HMCN1: variants seen among roughly 807,000 people sequenced by gnomAD.
The protein encoded by HMCN1 is hemicentin 1, also known as hemicentin-1.
In HMCN1, 321 loss-of-function variants were observed where a neutral mutation model predicts 625.9. The ratio of observed to expected loss-of-function variants is 0.51; its 90% confidence interval spans 0.47 to 0.56. HMCN1 has a LOEUF of 0.56. Among genes scored for constraint, HMCN1 ranks in the 20% least tolerant of loss-of-function variants. HMCN1 has a pLI of 0.00. For missense variants in HMCN1, 6,588 were observed against 6,887.3 expected, an observed-to-expected ratio of 0.96 and a Z score of 1.54; for synonymous variants, 2,425 against 2,417.6, an observed-to-expected ratio of 1.00 and a Z score of -0.09.
In HMCN1 at chr1:186,087,485, T is replaced by C; in HGVS notation, c.9203T>C (p.Val3068Ala). ...GACCATGACAGTGAATCTCTTTCTG[T>C]AGTTAATGTAAGAGAGGGAACTTCT... Reference protein sequence around the residue: ...IKDHDSESLSVVNVREGTSVS... With the variant: ...IKDHDSESLSAVNVREGTSVS... The change falls in exon 60 of 107, where the codon GTA becomes GCA. Residue 3068 changes from valine (V) to alanine (A), a missense_variant. By Grantham distance (64) the Val-to-Ala change is moderately conservative. Coordinates refer to ENST00000271588, the MANE Select transcript of HMCN1 (RefSeq NM_031935.3). The C allele has an allele frequency of 2.5e-6, 4 of 1,613,286 alleles. No individual in the cohort carries two copies. Among genetic ancestry groups the C allele is most frequent in the Non-Finnish European group, 3.4e-6 (4 of 1,179,488 alleles).
At position 186,087,424 on chromosome 1, in the gene HMCN1, T is replaced by C; in HGVS notation, c.9161-19T>C. On this transcript the variant is annotated intron_variant, in intron 59 of 106. Transcript: ENST00000271588. ...ACCTTAATGAAAAAGAAAATCCTTC[T>C]GTTATTTTCTTCCCTCAGTGCCCCC... 2 of 1,609,582 alleles carry C rather than the reference T, an allele frequency of 1.2e-6. No homozygotes were observed. The highest frequency in any genetic ancestry group is 1.7e-6 in the Non-Finnish European group (2 of 1,176,216).
At chr1:185,844,588 A>G (rs1571435613) in intron 1 of HMCN1, among the ~76,000 whole-genome samples, 1 of 152,326 alleles carries the variant, frequency 6.6e-6, no homozygotes, top group East Asian at 1.9e-4. Flanking sequence ...TGTAAAAGCT[A>G]AATGTTAAGT....
At chr1:186,019,107 T>C (rs1339779397) in intron 34 of HMCN1, among the ~76,000 whole-genome samples, 1 of 151,988 alleles carries the variant, frequency 6.6e-6, no homozygotes, top group Non-Finnish European at 1.5e-5. Flanking sequence ...AGGGAGGAAA[T>C]CTGGCAGTCC....
intron 75 of HMCN1, 145 bp downstream of exon 75, chr1:186,115,559 T>TA: frequency 1.3e-6 from 1 of 764,046 alleles, no homozygotes. Flanking sequence ...AATATGGACT[T>TA]AGTTTTTCAG....
chr1:185,804,008 G>A (rs1658999326), intron 1 of HMCN1, among the ~76,000 whole-genome samples: 1 of 151,916 alleles, frequency 6.6e-6, no homozygotes, highest in Admixed American at 6.6e-5. Context: ...TCCTCTTAGA[G>A]CCCCAGATGT....
chr1:185,813,358 G>A (rs1030524558), intron 1 of HMCN1, among the ~76,000 whole-genome samples: 16 of 152,204 alleles, frequency 1.1e-4, no homozygotes, highest in Middle Eastern at 3.4e-3. Flanking sequence ...AATGGAATAG[G>A]TTGCAAACTG....
chr1:186,174,185 C>T (rs1652416523), intron 102 of HMCN1, among the ~76,000 whole-genome samples: 1 of 151,916 alleles, frequency 6.6e-6, no homozygotes, highest in Admixed American at 6.5e-5. Flanking sequence ...AGCAATGTAG[C>T]ACTATTGCTC....
At chr1:185,942,515 G>C (rs965135231) in intron 11 of HMCN1, among the ~76,000 whole-genome samples, 2 of 152,176 alleles carry the variant, frequency 1.3e-5, no homozygotes, top group Non-Finnish European at 2.9e-5. Flanking sequence ...ATTATTTAAA[G>C]AAAGCTACCA....
chr1:186,013,227 A>G (rs1334720086), intron 30 of HMCN1, among the ~76,000 whole-genome samples: 1 of 152,170 alleles, frequency 6.6e-6, no homozygotes, highest in African/African-American at 2.4e-5. Context: ...ACAAAACTCT[A>G]TTGACACTAA....
intron 2 of HMCN1, among the ~76,000 whole-genome samples, chr1:185,847,028 C>A (rs1661864306): frequency 6.6e-6 from 1 of 152,154 alleles, no homozygotes; most frequent in Non-Finnish European, 1.5e-5. Flanking sequence ...TTTTACACTA[C>A]AACCACTCCC....
intron 2 of HMCN1, among the ~76,000 whole-genome samples, chr1:185,849,528 C>A (rs1416490578): frequency 6.6e-6 from 1 of 152,074 alleles, no homozygotes; most frequent in Admixed American, 6.6e-5. Context: ...AATGAATATA[C>A]CAGAATATGC....
intron 2 of HMCN1, among the ~76,000 whole-genome samples, chr1:185,847,650 T>C (rs1487429950): frequency 6.6e-6 from 1 of 152,200 alleles, no homozygotes; most frequent in African/African-American, 2.4e-5. Context: ...CTCTCAACTG[T>C]TAAAGAGTTC....
intron 1 of HMCN1, among the ~76,000 whole-genome samples, chr1:185,773,806 A>T (rs1468008340): frequency 6.6e-6 from 1 of 152,196 alleles, no homozygotes; most frequent in African/African-American, 2.4e-5. Flanking sequence ...CAAAAAGGTT[A>T]TGATTAGAGT....
chr1:186,166,692 T>C, intron 99 of HMCN1, 116 bp from the exon 100 acceptor site: 3 of 1,462,760 alleles, frequency 2.1e-6, no homozygotes, highest in South Asian at 1.2e-5. Context: ...TTAGTCCTTC[T>C]TGTTCTTTTC....
intron 11 of HMCN1, among the ~76,000 whole-genome samples, chr1:185,958,481 A>G (rs1047447243): frequency 4.6e-5 from 7 of 152,180 alleles, no homozygotes; most frequent in Admixed American, 6.5e-5. Flanking sequence ...ATCAAATTTC[A>G]TTTGTAAATG....
In HMCN1 at chr1:185,753,661, A is replaced by G. The variant is rs145164206; in HGVS notation, c.268+18614A>G. 2.0e-5 allele frequency among the ~76,000 whole-genome samples: 3 copies of G among 152,270 alleles called. No homozygotes were observed. The East Asian group carries it at 5.8e-4, about 29-fold the overall frequency. On this transcript the variant is annotated intron_variant, in intron 1 of 106. Transcript: ENST00000271588. ...TATTTTTGTTGTCATTTGATTCTAA[A>G]TACTTTGTAATTTCTACTTTAAACA...
At chr1:186,189,200 T>C (rs1333215028) in intron 106 of HMCN1, among the ~76,000 whole-genome samples, 1 of 152,240 alleles carries the variant, frequency 6.6e-6, no homozygotes, top group African/African-American at 2.4e-5. Flanking sequence ...CAGAAGCTCT[T>C]GTTTCCAAAA....
intron 86 of HMCN1, among the ~76,000 whole-genome samples, chr1:186,132,754 C>T (rs1379883033): frequency 6.6e-6 from 1 of 151,788 alleles, no homozygotes; most frequent in Non-Finnish European, 1.5e-5. Context: ...CCCATTAACT[C>T]GTCATTTAAC....
chr1:186,101,732 G>A (rs1462086849), intron 68 of HMCN1, among the ~76,000 whole-genome samples: 1 of 151,952 alleles, frequency 6.6e-6, no homozygotes, highest in Non-Finnish European at 1.5e-5. Context: ...CTTTGGGGTG[G>A]GGGCAGTGAG....
Sources: allele counts gnomAD v4.1 joint callset (sites outside exome capture counted in the v4.1 genomes callset), GRCh38; gene constraint gnomAD v4.1.1; transcripts MANE v1.5; gene names NCBI Gene and HGNC (gene_info 2026-07-23, HGNC 2026-07-21).